The following ACOT7 variants were observed in gnomAD, a reference collection of about 807,000 sequenced individuals.
ACOT7 encodes cytosolic acyl coenzyme A thioester hydrolase.
A neutral mutation model predicts 40.2 loss-of-function variants in ACOT7; 12 were observed. The ratio of observed to expected loss-of-function variants is 0.30; its 90% CI spans 0.19 to 0.48. The LOEUF (loss-of-function observed/expected upper bound fraction) is 0.48. Among genes scored for constraint, ACOT7 ranks in the 20% least tolerant of loss-of-function variants. ACOT7 has a pLI of 0.99. For synonymous variants in ACOT7, 228 were observed against 219.5 expected, an observed-to-expected ratio of 1.04 and a Z score of -0.34; for missense variants, 395 against 530.8, an observed-to-expected ratio of 0.74 and a Z score of 2.51.
At chr1:6,372,554 C>CTTTTTTTTTTT (rs563026803) in intron 1 of ACOT7, among the ~76,000 whole-genome samples, 1 of 128,580 alleles carries the variant, frequency 7.8e-6, no homozygotes, top group African/African-American at 3.0e-5. Flanking sequence ...TAACTTTTGG[C>CTTTTTTTTTTT]TTTTTTTTTT....
At chr1:6,290,028 G>A (rs1453755447) in intron 7 of ACOT7, among the ~76,000 whole-genome samples, 2 of 152,320 alleles carry the variant, frequency 1.3e-5, no homozygotes, top group East Asian at 1.9e-4. Context: ...TGGGGTACCC[G>A]GGTGGGCCTG....
intron 2 of ACOT7, among the ~76,000 whole-genome samples, chr1:6,345,781 G>C (rs71509038): frequency 0.012 from 1,885 of 152,242 alleles, 16 homozygotes; most frequent in South Asian, 0.023. Context: ...TGTAAAACAG[G>C]GTTAAGAACA....
intron 1 of ACOT7, among the ~76,000 whole-genome samples, chr1:6,362,303 C>A (rs192798549): frequency 1.3e-5 from 2 of 152,008 alleles, no homozygotes; most frequent in African/African-American, 4.8e-5. Flanking sequence ...TGGTGGTGGG[C>A]GCCTGTAATG....
intron 7 of ACOT7, among the ~76,000 whole-genome samples, chr1:6,293,702 G>GA (rs1305240264): frequency 6.6e-6 from 1 of 152,090 alleles, no homozygotes; most frequent in Non-Finnish European, 1.5e-5. Context: ...TCGTGTTGTG[G>GA]AAAAAAGAAA....
chr1:6,340,485 G>C (rs558551363), intron 2 of ACOT7, among the ~76,000 whole-genome samples: 1 of 152,330 alleles, frequency 6.6e-6, no homozygotes, highest in South Asian at 2.1e-4. Flanking sequence ...ATACAGAAAA[G>C]TAGAAAGAAG....
At chr1:6,316,192 C>A (rs182608111) in intron 6 of ACOT7, among the ~76,000 whole-genome samples, 1 of 152,270 alleles carries the variant, frequency 6.6e-6, no homozygotes, top group East Asian at 1.9e-4. Context: ...ACACAATACT[C>A]GGAAGTGGCA....
intron 6 of ACOT7, chr1:6,295,490 A>T (rs890513993): frequency 3.2e-5 from 5 of 154,260 alleles, no homozygotes; most frequent in African/African-American, 9.6e-5. Context: ...TGTTCAACAG[A>T]AACTTGTACA....
intron 6 of ACOT7, among the ~76,000 whole-genome samples, chr1:6,314,855 C>T (rs1259915549): frequency 1.3e-5 from 2 of 151,678 alleles, no homozygotes; most frequent in Non-Finnish European, 2.9e-5. Flanking sequence ...CCCCGCCAAC[C>T]CTCCTCCCTC....
intron 1 of ACOT7, among the ~76,000 whole-genome samples, chr1:6,362,037 G>A (rs917177966): frequency 6.6e-6 from 1 of 152,218 alleles, no homozygotes; most frequent in African/African-American, 2.4e-5. Context: ...AGTAGGCTGT[G>A]AGCATCCCTA....
rs539952823 is a variant in ACOT7 at position 6,303,253 on chromosome 1, C to A, written c.713-8273G>T. ...GCAGGCAGTCCTCATCTCCCAAGAT[C>A]TGTAATTTAAAAGATGACAACAAAA... is the stretch of plus-strand genomic sequence containing the variant. On this transcript the variant is annotated intron_variant, in intron 6 of 8. Coordinates refer to ENST00000361521, the MANE Select transcript of ACOT7 (RefSeq NM_007274.4). Among the ~76,000 whole-genome samples the A allele has an allele frequency of 3.3e-5, 5 of 152,218 alleles. No homozygotes were observed. In the East Asian group the frequency reaches 7.7e-4, roughly 23 times the overall value.
chr1:6,315,481 G>A (rs1307363665), intron 6 of ACOT7, among the ~76,000 whole-genome samples: 1 of 152,162 alleles, frequency 6.6e-6, no homozygotes, highest in Non-Finnish European at 1.5e-5. Context: ...GCTGGGCACG[G>A]TGGCTCATGC....
chr1:6,327,441 C>T, intron 4 of ACOT7, 28 bp from the exon 5 acceptor site: 1 of 1,611,064 alleles, frequency 6.2e-7, no homozygotes, highest in South Asian at 1.1e-5. Context: ...CAGGTCAGGC[C>T]CAGGCAGGAC....
At chr1:6,265,499 C>A (rs998852880) in intron 8 of ACOT7, among the ~76,000 whole-genome samples, 1 of 152,210 alleles carries the variant, frequency 6.6e-6, no homozygotes, top group Non-Finnish European at 1.5e-5. Context: ...TCTCATTGGT[C>A]TGGGGGCAGA....
At chr1:6,385,356 A>G in intron 1 of ACOT7, 3 of 1,122,810 alleles carry the variant, frequency 2.7e-6, no homozygotes, top group Middle Eastern at 4.7e-4. Context: ...TCAATCCAGC[A>G]AAACACACAG....
chr1:6,320,685 T>C (rs7555762), intron 5 of ACOT7, among the ~76,000 whole-genome samples: 51,467 of 152,068 alleles, frequency 0.34, 12,951 homozygotes, highest in African/African-American at 0.72. Flanking sequence ...GGCAGGGCAG[T>C]GTGGCCCTGC....
intron 4 of ACOT7, among the ~76,000 whole-genome samples, chr1:6,331,178 T>G (rs1004297967): frequency 6.6e-6 from 1 of 152,168 alleles, no homozygotes; most frequent in Non-Finnish European, 1.5e-5. Flanking sequence ...GAGAGGTTGT[T>G]GAACCGAGGG....
Position 6,305,239 on chromosome 1 carries a change from G to A in ACOT7, c.713-10259C>T, listed in dbSNP as rs1209081814. Among the ~76,000 whole-genome samples, 4 of 144,816 alleles carry A rather than the reference G, an allele frequency of 2.8e-5. No individual in the cohort carries two copies. The East Asian group carries it at 6.3e-4, about 23-fold the overall frequency. ...TCCTTCCCGGACGGGGCGGCGGGCC[G>A]GGCGGGGGGCTGACCCCCCCACCTC... On this transcript the variant is annotated intron_variant, in intron 6 of 8. Transcript: ENST00000361521.
chr1:6,267,921 G>A (rs1349445916), intron 8 of ACOT7, among the ~76,000 whole-genome samples: 1 of 152,214 alleles, frequency 6.6e-6, no homozygotes, highest in East Asian at 1.9e-4. Context: ...TCACAGCAGA[G>A]TTGCGGGGAC....
At chr1:6,351,481 A>C (rs1483355727) in intron 1 of ACOT7, among the ~76,000 whole-genome samples, 5 of 152,272 alleles carry the variant, frequency 3.3e-5, no homozygotes, top group Non-Finnish European at 7.3e-5. Flanking sequence ...TATAAGTCAC[A>C]AAATGATTCT....
Sources: allele counts gnomAD v4.1 joint callset (sites outside exome capture counted in the v4.1 genomes callset), GRCh38; gene constraint gnomAD v4.1.1; transcripts MANE v1.5; gene names NCBI Gene and HGNC (gene_info 2026-07-23, HGNC 2026-07-21).